The following MBD5 variants were observed in gnomAD, a reference collection of about 807,000 sequenced individuals.
MBD5 encodes methyl-CpG-binding domain protein 5.
A neutral mutation model predicts 117.3 loss-of-function variants in MBD5; 13 were observed. The observed-to-expected ratio is 0.11, with a 90% confidence interval of 0.07 to 0.18. MBD5 has a LOEUF of 0.18. MBD5 is among the 10% of genes least tolerant of loss of function. The probability of loss-of-function intolerance (pLI) is 1.00; values close to 1 mark genes in which losing one functional copy is unlikely to be tolerated. For missense variants in MBD5, 1,879 were observed against 2,093.8 expected (o/e 0.90, Z 2.00); for synonymous variants, 727 against 766.4 (o/e 0.95, Z 0.85).
chr2:148,148,614 T>G (rs1290804907), intron 1 of MBD5, among the ~76,000 whole-genome samples: 1 of 152,206 alleles, frequency 6.6e-6, no homozygotes, highest in African/African-American at 2.4e-5. Context: ...TCCCTAGTCC[T>G]TTGTCTATTC....
chr2:148,280,453 T>C (rs1352894559), intron 3 of MBD5, among the ~76,000 whole-genome samples: 3 of 152,108 alleles, frequency 2.0e-5, no homozygotes, highest in Admixed American at 1.3e-4. Context: ...TTTCTTGAGG[T>C]GGGTATCTCA....
At chr2:148,308,703 G>C (rs1701957869) in intron 3 of MBD5, among the ~76,000 whole-genome samples, 1 of 151,718 alleles carries the variant, frequency 6.6e-6, no homozygotes, top group African/African-American at 2.4e-5. Context: ...ATTGCTTTTG[G>C]TATTTTAGTC....
At chr2:148,354,994 G>T (rs1000832651) in intron 4 of MBD5, among the ~76,000 whole-genome samples, 1 of 151,972 alleles carries the variant, frequency 6.6e-6, no homozygotes, top group African/African-American at 2.4e-5. Context: ...TATCATTGTG[G>T]TTTTGATTTG....
rs528297463 is a variant in MBD5, at chr2:148,170,143, C to T, written c.-924-8557C>T. On this transcript the variant is annotated intron_variant, in intron 1 of 13. Transcript: ENST00000642680. Reference sequence around the variant, plus strand: ...CGATCTCCTGACCTCGTGATCTGCCCGTCTCGGCTTCCCAAAGTGCTGGGA... The same window carrying T: ...CGATCTCCTGACCTCGTGATCTGCCTGTCTCGGCTTCCCAAAGTGCTGGGA... Among the ~76,000 whole-genome samples the T allele has an allele frequency of 1.0e-3, 156 of 152,238 alleles. 1 individual carries two copies. Among genetic ancestry groups the T allele is most frequent in the African/African-American group, 3.5e-3 (147 of 41,530 alleles).
At chr2:148,142,510 T>C (rs186119335) in intron 1 of MBD5, among the ~76,000 whole-genome samples, 209 of 152,306 alleles carry the variant, frequency 1.4e-3, no homozygotes, top group African/African-American at 4.7e-3. Context: ...GGTGATAGAA[T>C]AGAGAGAATA....
chr2:148,063,234 T>C (rs2105008007), intron 1 of MBD5, among the ~76,000 whole-genome samples: 2 of 152,298 alleles, frequency 1.3e-5, no homozygotes, highest in South Asian at 4.1e-4. Flanking sequence ...GTCATTAGTT[T>C]TGAATTTGTC....
intron 7 of MBD5, among the ~76,000 whole-genome samples, chr2:148,464,384 G>A (rs891090980): frequency 1.3e-5 from 2 of 151,962 alleles, no homozygotes; most frequent in Admixed American, 6.6e-5. Flanking sequence ...CATGCATGGG[G>A]GCTTTCTTTT....
intron 3 of MBD5, among the ~76,000 whole-genome samples, chr2:148,304,921 C>T (rs562357693): frequency 1.3e-5 from 2 of 151,990 alleles, no homozygotes; most frequent in African/African-American, 4.8e-5. Context: ...AAAAATTAGC[C>T]GGGCGTAGTG....
chr2:148,368,035 A>G (rs932989704), intron 4 of MBD5, among the ~76,000 whole-genome samples: 1 of 152,188 alleles, frequency 6.6e-6, no homozygotes, highest in Non-Finnish European at 1.5e-5. Flanking sequence ...ATGTACGTTT[A>G]TTGCAGCATT....
intron 3 of MBD5, among the ~76,000 whole-genome samples, chr2:148,324,246 C>G (rs1036707134): frequency 3.3e-5 from 5 of 152,176 alleles, no homozygotes; most frequent in East Asian, 1.9e-4. Flanking sequence ...GTTACTGTAG[C>G]CTTGTAGTAT....
chr2:148,261,443 C>T (rs548803892), intron 3 of MBD5, among the ~76,000 whole-genome samples: 1 of 152,324 alleles, frequency 6.6e-6, no homozygotes, highest in Non-Finnish European at 1.5e-5. Flanking sequence ...GAGATGGCTT[C>T]TTTTCTTAAA....
chr2:148,032,724 A>G (rs16828168), intron 1 of MBD5, among the ~76,000 whole-genome samples: 1,839 of 152,282 alleles, frequency 0.012, 42 homozygotes, highest in African/African-American at 0.042. Context: ...ACTATTAATT[A>G]TAAAAGATTT....
chr2:148,188,170 C>G (rs1698715644), intron 2 of MBD5, among the ~76,000 whole-genome samples: 1 of 152,088 alleles, frequency 6.6e-6, no homozygotes, highest in South Asian at 2.1e-4. Flanking sequence ...CTGTTTAACA[C>G]AAGTATTCCA....
At chr2:148,182,216 G>A (rs35159623) in intron 2 of MBD5, among the ~76,000 whole-genome samples, 1,871 of 152,034 alleles carry the variant, frequency 0.012, 44 homozygotes, top group African/African-American at 0.043. Flanking sequence ...TCTATTTTTA[G>A]TTTGCTAAGC....
intron 4 of MBD5, among the ~76,000 whole-genome samples, chr2:148,365,303 C>G (rs1703662842): frequency 6.6e-6 from 1 of 152,130 alleles, no homozygotes; most frequent in South Asian, 2.1e-4. Flanking sequence ...AGAACAAAGA[C>G]ACAACATACC....
intron 3 of MBD5, among the ~76,000 whole-genome samples, chr2:148,245,893 A>C (rs1700326046): frequency 6.6e-6 from 1 of 152,170 alleles, no homozygotes. Flanking sequence ...ATTTCTTACT[A>C]ATAGGAGAAT....
At chr2:148,039,622 A>G (rs1694299608) in intron 1 of MBD5, among the ~76,000 whole-genome samples, 1 of 152,174 alleles carries the variant, frequency 6.6e-6, no homozygotes, top group South Asian at 2.1e-4. Flanking sequence ...TGCTATAGAA[A>G]TTGCATTTTC....
chr2:148,462,534 T>C (rs1013280400), intron 5 of MBD5, 48 bp from the exon 6 acceptor site: 2 of 1,162,108 alleles, frequency 1.7e-6, no homozygotes, highest in African/African-American at 3.0e-5. Flanking sequence ...TCATATAATA[T>C]GTGTAGTCAA....
chr2:148,268,652 G>A (rs1030947072), intron 3 of MBD5, among the ~76,000 whole-genome samples: 2 of 151,432 alleles, frequency 1.3e-5, no homozygotes, highest in Non-Finnish European at 1.5e-5. Flanking sequence ...AATGTACCAT[G>A]TACAGTTTCT....
Sources: allele counts gnomAD v4.1 joint callset (sites outside exome capture counted in the v4.1 genomes callset), GRCh38; gene constraint gnomAD v4.1.1; transcripts MANE v1.5; gene names NCBI Gene and HGNC (gene_info 2026-07-23, HGNC 2026-07-21).